GRIK2: variants seen among roughly 807,000 people sequenced by gnomAD.
The protein encoded by GRIK2 is glutamate receptor ionotropic, kainate 2.
In GRIK2, 32 loss-of-function variants were observed where a neutral mutation model predicts 100.3. The ratio of observed to expected loss-of-function variants is 0.32; its 90% CI spans 0.24 to 0.43. GRIK2 has a LOEUF of 0.43. Ranked by LOEUF, GRIK2 falls within the 20% of genes least tolerant of loss-of-function variation. The pLI is 1.00. For synonymous variants in GRIK2, 417 were observed against 389.4 expected (o/e 1.07, Z -0.83); for missense variants, 843 against 1,114.9 (o/e 0.76, Z 3.47).
intron 7 of GRIK2, among the ~76,000 whole-genome samples, chr6:101,730,123 AAC>A (rs1487548270): frequency 6.6e-6 from 1 of 151,960 alleles, no homozygotes; most frequent in African/African-American, 2.4e-5. Context: ...ATTAGAGAAA[AAC>A]ACAGTTTACT....
In GRIK2 at chr6:101,890,695, G is replaced by T. The variant is rs576377603; in HGVS notation, c.1748+832G>T. Among the ~76,000 whole-genome samples the T allele has an allele frequency of 6.7e-4, 102 of 151,874 alleles. 1 individual carries two copies. Among genetic ancestry groups the T allele is most frequent in the African/African-American group, 2.3e-3 (96 of 41,436 alleles). ...GGTATTACTTTATTTTACTCTCGGA[G>T]GTGTAAATTTATAATCATGTTTATT... On this transcript the variant is annotated intron_variant, in intron 12 of 16. Transcript: ENST00000369134.
In GRIK2 at chr6:101,461,833, T is replaced by C. The variant is rs1169906810; in HGVS notation, c.115+62441T>C. Reference sequence around the variant, plus strand: ...GTTAAATTGGGATAAAGAAAAGAACTGAGAAAAACTTTGTTTTATACGTCC... The same window carrying C: ...GTTAAATTGGGATAAAGAAAAGAACCGAGAAAAACTTTGTTTTATACGTCC... On this transcript the variant is annotated intron_variant, in intron 2 of 16. Transcript: ENST00000369134. Among the ~76,000 whole-genome samples the C allele has an allele frequency of 2.0e-5, 3 of 152,280 alleles. No individual in the cohort carries two copies. The South Asian group carries it at 6.2e-4, about 32-fold the overall frequency.
chr6:101,870,892 C>T (rs754980897), intron 11 of GRIK2, among the ~76,000 whole-genome samples: 23 of 151,670 alleles, frequency 1.5e-4, no homozygotes, highest in Admixed American at 2.0e-4. Context: ...ATATATTGGA[C>T]GATGAGATAA....
At chr6:101,504,824 G>A (rs1773940216) in intron 2 of GRIK2, among the ~76,000 whole-genome samples, 1 of 152,028 alleles carries the variant, frequency 6.6e-6, no homozygotes, top group Non-Finnish European at 1.5e-5. Context: ...GGTGTAAACT[G>A]TGCATTTCAT....
chr6:101,776,532 T>C (rs2128400003), intron 7 of GRIK2, among the ~76,000 whole-genome samples: 1 of 152,208 alleles, frequency 6.6e-6, no homozygotes, highest in Admixed American at 6.5e-5. Context: ...CCTGATTCAA[T>C]CCCCTCCTTT....
In GRIK2 at chr6:101,642,630, C is replaced by T. The variant is rs190355270; in HGVS notation, c.541+15993C>T. ...TTGTATGTATGTGTCACATATTATT[C>T]ATTCATTCATCAAATACTTGGGTTG... On this transcript the variant is annotated intron_variant, in intron 4 of 16. Transcript: ENST00000369134. Among the ~76,000 whole-genome samples, 264 of 151,756 alleles carry T rather than the reference C, an allele frequency of 1.7e-3. 1 individual carries two copies. The highest frequency in any genetic ancestry group is 3.4e-3 in the Middle Eastern group (1 of 294).
intron 10 of GRIK2, among the ~76,000 whole-genome samples, chr6:101,836,972 T>C (rs1783167799): frequency 1.3e-5 from 2 of 152,140 alleles, no homozygotes; most frequent in South Asian, 4.2e-4. Flanking sequence ...CCTGTTGCAT[T>C]ATATTTCTAT....
intron 10 of GRIK2, among the ~76,000 whole-genome samples, chr6:101,828,884 G>T (rs1782500806): frequency 6.6e-6 from 1 of 151,880 alleles, no homozygotes; most frequent in Non-Finnish European, 1.5e-5. Context: ...AAAAATTTGA[G>T]GTGGAAGGAC....
intron 2 of GRIK2, among the ~76,000 whole-genome samples, chr6:101,437,752 C>T (rs1312380401): frequency 6.6e-6 from 1 of 152,008 alleles, no homozygotes; most frequent in Non-Finnish European, 1.5e-5. Flanking sequence ...GCTTCAGATC[C>T]TCGCCCGTAA....
rs141889547 is a variant in GRIK2 at position 101,490,816 on chromosome 6, C to T, written c.115+91424C>T. Among the ~76,000 whole-genome samples, 326 of 146,308 alleles carry T rather than the reference C, an allele frequency of 2.2e-3. 52 individuals are homozygous for T. Among genetic ancestry groups the T allele is most frequent in the African/African-American group, 8.4e-3 (322 of 38,336 alleles). ...ACAATGACAACAACAAAACAAAATC[C>T]TCAGATTAATATAGGTATTGTACTA... On this transcript the variant is annotated intron_variant, in intron 2 of 16. Coordinates refer to ENST00000369134, the MANE Select transcript of GRIK2 (RefSeq NM_021956.5).
At chr6:101,827,548 C>T (rs1782415535) in intron 10 of GRIK2, among the ~76,000 whole-genome samples, 1 of 151,494 alleles carries the variant, frequency 6.6e-6, no homozygotes, top group Non-Finnish European at 1.5e-5. Context: ...CATGTAATGA[C>T]ACCCATAGAC....
intron 16 of GRIK2, among the ~76,000 whole-genome samples, chr6:102,068,110 T>C (rs1264106074): frequency 6.6e-6 from 1 of 151,910 alleles, no homozygotes; most frequent in Admixed American, 6.6e-5. Context: ...ACTAGCTGGT[T>C]GTTCATTTCA....
At chr6:101,986,010 G>A (rs1388614513) in intron 14 of GRIK2, among the ~76,000 whole-genome samples, 2 of 151,646 alleles carry the variant, frequency 1.3e-5, no homozygotes, top group Non-Finnish European at 2.9e-5. Flanking sequence ...CCCACCTAAA[G>A]TTTATGCCAC....
intron 2 of GRIK2, among the ~76,000 whole-genome samples, chr6:101,415,590 T>G (rs1776103973): frequency 6.6e-6 from 1 of 152,002 alleles, no homozygotes; most frequent in Non-Finnish European, 1.5e-5. Flanking sequence ...CAGGATAGTC[T>G]TGATCTCCTG....
intron 14 of GRIK2, among the ~76,000 whole-genome samples, chr6:101,991,950 G>A (rs556132394): frequency 3.3e-5 from 5 of 151,596 alleles, no homozygotes; most frequent in African/African-American, 9.6e-5. Context: ...ATGTCATGGG[G>A]AAAAAGAGGA....
At chr6:102,000,298 CGG>C (rs1794871432) in intron 14 of GRIK2, among the ~76,000 whole-genome samples, 1 of 121,726 alleles carries the variant, frequency 8.2e-6, no homozygotes, top group African/African-American at 3.2e-5. Flanking sequence ...TTTTTTGATA[CGG>C]AGGGTACACA....
intron 14 of GRIK2, among the ~76,000 whole-genome samples, chr6:102,008,457 G>A (rs1795357367): frequency 6.6e-6 from 1 of 152,040 alleles, no homozygotes; most frequent in Non-Finnish European, 1.5e-5. Flanking sequence ...GTATTTCAAT[G>A]ATAAAGAAAA....
intron 2 of GRIK2, among the ~76,000 whole-genome samples, chr6:101,439,080 A>T (rs1047618603): frequency 2.6e-5 from 4 of 152,176 alleles, no homozygotes. Context: ...ACAATTGCTC[A>T]GCTGCTTTCA....
intron 14 of GRIK2, among the ~76,000 whole-genome samples, chr6:102,010,835 T>G (rs1795495844): frequency 6.6e-6 from 1 of 152,152 alleles, no homozygotes; most frequent in Admixed American, 6.5e-5. Flanking sequence ...TTTATTTTCT[T>G]TCATGTGTTT....
Sources: gnomAD v4.1 joint callset for allele counts (sites outside exome capture counted in the v4.1 genomes callset) on GRCh38, gnomAD v4.1.1 for gene constraint, MANE v1.5 for transcripts, NCBI Gene and HGNC (gene_info 2026-07-23, HGNC 2026-07-21) for gene names.